The following CSMD3 variants were observed in gnomAD, a reference collection of about 807,000 sequenced individuals.
CSMD3 encodes CUB and sushi domain-containing protein 3.
Under a neutral mutation model 435.2 loss-of-function variants are expected in CSMD3, and 177 were observed. The observed-to-expected ratio is 0.41, with a 90% confidence interval of 0.36 to 0.46. CSMD3 has a LOEUF of 0.46. Among genes scored for constraint, CSMD3 ranks in the 20% least tolerant of loss-of-function variants. The pLI is 0.34. For synonymous variants in CSMD3, 1,656 were observed against 1,520.5 expected (o/e 1.09, Z -2.07); for missense variants, 4,265 against 4,504.6 (o/e 0.95, Z 1.52).
At chr8:113,050,361 A>G (rs2088034850) in intron 5 of CSMD3, among the ~76,000 whole-genome samples, 1 of 152,086 alleles carries the variant, frequency 6.6e-6, no homozygotes, top group Admixed American at 6.5e-5. Context: ...GCTCAGATAT[A>G]TTGTTAAAAA....
intron 4 of CSMD3, among the ~76,000 whole-genome samples, chr8:113,158,748 A>G (rs1229808092): frequency 2.0e-5 from 3 of 151,960 alleles, no homozygotes; most frequent in African/African-American, 7.2e-5. Context: ...ATATTTTTGT[A>G]TATGTGTATA....
At chr8:112,759,043 T>C (rs1438288021) in intron 13 of CSMD3, among the ~76,000 whole-genome samples, 2 of 152,166 alleles carry the variant, frequency 1.3e-5, no homozygotes, top group Non-Finnish European at 2.9e-5. Flanking sequence ...CGAAGATATA[T>C]AGATTTCTAT....
At chr8:113,221,992 C>A (rs569024139) in intron 3 of CSMD3, among the ~76,000 whole-genome samples, 2 of 149,218 alleles carry the variant, frequency 1.3e-5, no homozygotes, top group East Asian at 2.0e-4. Context: ...ACACTCAATG[C>A]GCATTTGTTG....
At position 112,529,430 on chromosome 8, in the gene CSMD3, G is replaced by A. The variant is rs79257199; in HGVS notation, c.4565-12205C>T. Among the ~76,000 whole-genome samples the A allele has an allele frequency of 9.8e-3, 1,494 of 152,056 alleles. 22 individuals are homozygous for A. Among genetic ancestry groups the A allele is most frequent in the African/African-American group, 0.035 (1,436 of 41,488 alleles). On this transcript the variant is annotated intron_variant, in intron 27 of 70. Transcript: ENST00000297405. ...TGGCAAAACCACAACCCTACAAAAA[G>A]TACAAAAATTAGCCAGCAGAGTGGT...
intron 4 of CSMD3, among the ~76,000 whole-genome samples, chr8:113,153,101 A>AAAAGAAAG (rs1554791157): frequency 2.0e-5 from 2 of 99,994 alleles, no homozygotes; most frequent in African/African-American, 9.4e-5. Context: ...AGAAAGAAAG[A>AAAAGAAAG]AAAGAAAGAA....
intron 27 of CSMD3, 37 bp from the exon 28 acceptor site, chr8:112,517,262 A>T (rs2130991009): frequency 6.6e-7 from 1 of 1,504,832 alleles, no homozygotes; most frequent in Non-Finnish European, 9.2e-7. Flanking sequence ...AGTTTTGATA[A>T]CTACCAAAAT....
intron 3 of CSMD3, among the ~76,000 whole-genome samples, chr8:113,273,248 T>C (rs1398622165): frequency 1.3e-5 from 2 of 152,090 alleles, no homozygotes; most frequent in Non-Finnish European, 2.9e-5. Flanking sequence ...CTTCACATTT[T>C]AAGTTAGTTT....
At chr8:112,571,593 G>A (rs1324111251) in intron 24 of CSMD3, among the ~76,000 whole-genome samples, 4 of 151,868 alleles carry the variant, frequency 2.6e-5, no homozygotes, top group Non-Finnish European at 5.9e-5. Flanking sequence ...TGCAGGCTGG[G>A]CATGGTGGCT....
intron 16 of CSMD3, among the ~76,000 whole-genome samples, chr8:112,668,827 C>T (rs963782598): frequency 6.6e-6 from 1 of 151,124 alleles, no homozygotes; most frequent in Non-Finnish European, 1.5e-5. Flanking sequence ...AAGTGACTCT[C>T]GGGCACATGA....
intron 2 of CSMD3, among the ~76,000 whole-genome samples, chr8:113,284,432 T>C (rs2093632283): frequency 6.6e-6 from 1 of 152,214 alleles, no homozygotes; most frequent in African/African-American, 2.4e-5. Flanking sequence ...TTTATTGTTA[T>C]TAAGTTATTA....
intron 3 of CSMD3, among the ~76,000 whole-genome samples, chr8:113,253,149 G>C (rs2093348973): frequency 6.6e-6 from 1 of 151,952 alleles, no homozygotes; most frequent in African/African-American, 2.4e-5. Context: ...ATTGATCCTG[G>C]ACAGTACCCA....
At chr8:112,920,452 A>G (rs2082700599) in intron 10 of CSMD3, among the ~76,000 whole-genome samples, 1 of 151,878 alleles carries the variant, frequency 6.6e-6, no homozygotes, top group South Asian at 2.1e-4. Flanking sequence ...TCTCAATGAG[A>G]TAATAGTTCT....
intron 25 of CSMD3, among the ~76,000 whole-genome samples, chr8:112,553,682 T>G (rs1374229456): frequency 6.6e-6 from 1 of 152,054 alleles, no homozygotes; most frequent in African/African-American, 2.4e-5. Context: ...TCCTATTATC[T>G]TAGATTAAAT....
chr8:113,174,184 A>G (rs2092313500), intron 3 of CSMD3, among the ~76,000 whole-genome samples: 1 of 152,144 alleles, frequency 6.6e-6, no homozygotes, highest in African/African-American at 2.4e-5. Flanking sequence ...TCATATATTA[A>G]TATTTACTCA....
chr8:112,672,833 T>C (rs989890891), intron 16 of CSMD3, among the ~76,000 whole-genome samples: 5 of 152,186 alleles, frequency 3.3e-5, no homozygotes, highest in African/African-American at 1.2e-4. Flanking sequence ...AAAGGATACA[T>C]TCAAAGAACC....
In CSMD3 at chr8:112,374,266, A is replaced by G. The variant is rs529735990; in HGVS notation, c.6136+6086T>C. Among the ~76,000 whole-genome samples, 17 of 152,252 alleles carry G rather than the reference A, an allele frequency of 1.1e-4. No individual in the cohort carries two copies. The East Asian group carries it at 3.3e-3, about 29-fold the overall frequency. On this transcript the variant is annotated intron_variant, in intron 38 of 70. Coordinates refer to ENST00000297405, the MANE Select transcript of CSMD3 (RefSeq NM_198123.2). ...ATCCTTTGGCACAGATCTCCCCACT[A>G]TCAACAAAATGTATCTTTTTCTCAT... is the stretch of plus-strand genomic sequence containing the variant.
At chr8:113,018,945 AT>A (rs1209075953) in intron 6 of CSMD3, 121 bp downstream of exon 6, 14 of 737,242 alleles carry the variant, frequency 1.9e-5, no homozygotes, top group Admixed American at 3.9e-5. Context: ...CAGCATGACC[AT>A]TTTTTTCAAT....
At chr8:113,272,017 T>C (rs2093531914) in intron 3 of CSMD3, among the ~76,000 whole-genome samples, 2 of 152,192 alleles carry the variant, frequency 1.3e-5, no homozygotes, top group Non-Finnish European at 2.9e-5. Context: ...TGCATGGGCC[T>C]TGTAACCCCT....
intron 59 of CSMD3, among the ~76,000 whole-genome samples, chr8:112,270,566 G>A (rs16883344): frequency 0.056 from 8,572 of 152,098 alleles, 339 homozygotes; most frequent in East Asian, 0.14. Flanking sequence ...CTTACCGACT[G>A]AACTCTGTCT....
Sources: gnomAD v4.1 joint callset for allele counts (sites outside exome capture counted in the v4.1 genomes callset) on GRCh38, gnomAD v4.1.1 for gene constraint, MANE v1.5 for transcripts, NCBI Gene and HGNC (gene_info 2026-07-23, HGNC 2026-07-21) for gene names.